EP300: variants seen among roughly 807,000 people sequenced by gnomAD.
The protein encoded by EP300 is histone acetyltransferase p300.
In EP300, 31 loss-of-function variants were observed where a neutral mutation model predicts 264.0. That is an observed-to-expected ratio of 0.12 (90% confidence interval 0.09 to 0.16). The LOEUF (loss-of-function observed/expected upper bound fraction) is 0.16, where lower values mean the gene tolerates loss of function less well. EP300 is among the 10% of genes least tolerant of loss of function. EP300 has a pLI of 1.00. For synonymous variants in EP300, 1,340 were observed against 1,045.4 expected, an observed-to-expected ratio of 1.28 and a Z score of -5.44; for missense variants, 2,766 against 3,052.9, an observed-to-expected ratio of 0.91 and a Z score of 2.21.
intron 10 of EP300, 91 bp downstream of exon 10, chr22:41,141,313 C>T (rs962931441): frequency 5.0e-5 from 71 of 1,412,800 alleles, no homozygotes; most frequent in Middle Eastern, 1.8e-4. Flanking sequence ...GCTTGTGTAA[C>T]TATTCTAGAG....
Position 41,178,627 on chromosome 22 carries a change from C to G in EP300, c.6916C>G (p.Gln2306Glu). The change falls in exon 31 of 31, where the codon CAA becomes GAA. Residue 2306 changes from glutamine to glutamate, a missense_variant. Transcript: ENST00000263253. ...GCAGATCCCTAATTCTCTCTCCAAT[C>G]AAGTGCGCTCTCCCCAGCCTGTCCC... ...GQQIPNSLSN[Q>E]VRSPQPVPSP... The G allele has an allele frequency of 6.2e-7, 1 of 1,614,126 alleles. No individual in the cohort carries two copies. The highest frequency in any genetic ancestry group is 8.5e-7 in the Non-Finnish European group (1 of 1,180,012).
rs189147346 is a variant in EP300 at position 41,123,670 on chromosome 22, G to A, written c.730-2194G>A. Among the ~76,000 whole-genome samples, 3 of 152,336 alleles carry A rather than the reference G, an allele frequency of 2.0e-5. No homozygotes were observed. The East Asian group carries it at 5.8e-4, about 29-fold the overall frequency. On this transcript the variant is annotated intron_variant, in intron 2 of 30. Transcript: ENST00000263253. The stretch of plus-strand genomic sequence containing the variant: ...GCTATAGTATCTTGAGTTATTCTGA[G>A]TGTTTGCTCAATGTTTCTAGTAGTG...
chr22:41,160,961 T>C (rs148849813), intron 20 of EP300, among the ~76,000 whole-genome samples: 6 of 151,194 alleles, frequency 4.0e-5, no homozygotes, highest in African/African-American at 1.4e-4. Context: ...ACAGAGAACA[T>C]ATCCATCATA....
chr22:41,160,604 C>T (rs766523522), intron 19 of EP300, 38 bp from the exon 20 acceptor site: 11 of 1,603,120 alleles, frequency 6.9e-6, no homozygotes, highest in Middle Eastern at 1.7e-4. Context: ...GTTGTGTGAA[C>T]GGAACAGTTC....
At chr22:41,108,927 AGGG>A (rs1360541605) in intron 1 of EP300, among the ~76,000 whole-genome samples, 1 of 152,230 alleles carries the variant, frequency 6.6e-6, no homozygotes, top group Non-Finnish European at 1.5e-5. Flanking sequence ...TTAAATATAA[AGGG>A]GGCAAAAGTA....
chr22:41,145,001 C>G (rs1470776714), intron 10 of EP300, among the ~76,000 whole-genome samples: 2 of 152,230 alleles, frequency 1.3e-5, no homozygotes, highest in Non-Finnish European at 2.9e-5. Context: ...TGTGTTTTCT[C>G]TCCACTTCAG....
chr22:41,156,582 G>A (rs1009257228), intron 17 of EP300, among the ~76,000 whole-genome samples: 6 of 152,052 alleles, frequency 3.9e-5, no homozygotes, highest in Non-Finnish European at 8.8e-5. Flanking sequence ...GTAACTGGGC[G>A]TGGTGGTGCA....
At position 41,092,848 on chromosome 22, in the gene EP300, G is replaced by A; in HGVS notation, c.-157G>A. 1.2e-6 allele frequency: 1 copy of A among 815,202 alleles called. No homozygotes were observed. The highest frequency in any genetic ancestry group is 2.1e-6 in the Non-Finnish European group (1 of 467,904). 50.5% of individuals were successfully genotyped at this position (815,202 alleles called of 1,614,324 possible). ...GAGTCCGCATCCCTCTCCAGCCACT[G>A]CGACCCGGCGAAGAGAAAAAGGAAC... On this transcript the variant is annotated 5_prime_UTR_variant, in exon 1 of 31. Transcript: ENST00000263253.
chr22:41,120,769 G>A lies in EP300; in HGVS notation c.729+2948G>A, dbSNP rs534433143. ...ATCTCTTCCTATCACCCAGGCTGGA[G>A]TACAGTGGCACCATCACAGCTCACT... On this transcript the variant is annotated intron_variant, in intron 2 of 30. Transcript: ENST00000263253. 1.5e-4 allele frequency among the ~76,000 whole-genome samples: 23 copies of A among 152,230 alleles called. No homozygotes were observed. The South Asian group carries it at 4.8e-3, about 32-fold the overall frequency.
chr22:41,156,642 AC>A (rs1227913132), intron 17 of EP300, among the ~76,000 whole-genome samples: 1 of 152,092 alleles, frequency 6.6e-6, no homozygotes, highest in Non-Finnish European at 1.5e-5. Context: ...AATAGTTTGA[AC>A]GACCCTGGGA....
intron 6 of EP300, among the ~76,000 whole-genome samples, chr22:41,133,494 A>G (rs1389793391): frequency 6.6e-6 from 1 of 152,052 alleles, no homozygotes; most frequent in Non-Finnish European, 1.5e-5. Flanking sequence ...CCCTTTTCCT[A>G]AATGCTTGAA....
intron 14 of EP300, among the ~76,000 whole-genome samples, chr22:41,150,537 T>C (rs909985273): frequency 2.6e-5 from 4 of 152,150 alleles, no homozygotes; most frequent in Non-Finnish European, 1.5e-5. Flanking sequence ...ATTTTACATA[T>C]ATTTAAGGAA....
rs1173950290 is a variant in EP300 at position 41,117,224 on chromosome 22, A to C, written c.132A>C (p.Pro44=). The C allele has an allele frequency of 6.2e-7, 1 of 1,614,090 alleles. No individual in the cohort carries two copies. Among genetic ancestry groups the C allele is most frequent in the African/African-American group, 1.3e-5 (1 of 74,920 alleles). The change falls in exon 2 of 31, where the codon CCA becomes CCC. Residue 44 remains proline, a synonymous_variant. Transcript: ENST00000263253. The part of the protein sequence containing the change: ...GSLFDLEHDL[P]DELINSTELG... ...TATTTGACTTGGAGCACGACTTACC[A>C]GATGAATTAATCAACTCTACAGAAT...
intron 27 of EP300, among the ~76,000 whole-genome samples, chr22:41,171,962 G>A (rs2059173337): frequency 6.6e-6 from 1 of 152,172 alleles, no homozygotes; most frequent in Non-Finnish European, 1.5e-5. Context: ...AATATAGGTT[G>A]TCTCATGATA....
intron 20 of EP300, among the ~76,000 whole-genome samples, chr22:41,162,194 A>C (rs1324412039): frequency 6.6e-6 from 1 of 152,208 alleles, no homozygotes; most frequent in Non-Finnish European, 1.5e-5. Context: ...AATGCTATTA[A>C]CAGAGATGAA....
chr22:41,131,126 A>G (rs2058916629), intron 5 of EP300, among the ~76,000 whole-genome samples: 2 of 152,204 alleles, frequency 1.3e-5, no homozygotes, highest in Non-Finnish European at 1.5e-5. Context: ...GCATTCATAC[A>G]GTGTTGGTCG....
At chr22:41,176,617 G>A (rs1037481071) in intron 30 of EP300, 89 bp downstream of exon 30, 1 of 1,607,040 alleles carries the variant, frequency 6.2e-7, no homozygotes, top group African/African-American at 1.3e-5. Context: ...GAGGCCTGTG[G>A]GATGCTAGGG....
Position 41,178,634 on chromosome 22 carries a change from G to T in EP300, c.6923G>T (p.Arg2308Leu), listed in dbSNP as rs759647202. The change falls in exon 31 of 31, where the codon CGC becomes CTC. Residue 2308 changes from arginine (R) to leucine (L), a missense_variant. Transcript: ENST00000263253. ...QIPNSLSNQV[R>L]SPQPVPSPRP... ...CCTAATTCTCTCTCCAATCAAGTGC[G>T]CTCTCCCCAGCCTGTCCCTTCTCCA... 1.2e-6 allele frequency: 2 copies of T among 1,613,964 alleles called. No individual in the cohort carries two copies. Among genetic ancestry groups the T allele is most frequent in the East Asian group, 2.2e-5 (1 of 44,888 alleles).
chr22:41,140,673 C>T (rs2058977033), intron 9 of EP300, among the ~76,000 whole-genome samples: 1 of 152,046 alleles, frequency 6.6e-6, no homozygotes, highest in African/African-American at 2.4e-5. Context: ...GTGGCACGTG[C>T]CTGTTGTCCC....
Sources: gnomAD v4.1 joint callset for allele counts (sites outside exome capture counted in the v4.1 genomes callset) on GRCh38, gnomAD v4.1.1 for gene constraint, MANE v1.5 for transcripts, NCBI Gene and HGNC (gene_info 2026-07-23, HGNC 2026-07-21) for gene names.